Variants in PRDM10 observed in about 807,000 individuals in gnomAD.
PRDM10 encodes PR/SET domain 10.
PRDM10 carries 65 observed loss-of-function variants against 133.1 expected under a neutral mutation model. The observed-to-expected ratio is 0.49, with a 90% CI of 0.40 to 0.60. PRDM10 has a LOEUF of 0.60. Among genes scored for constraint, PRDM10 ranks in the 20% least tolerant of loss-of-function variants. PRDM10 has a pLI of 0.00. For missense variants in PRDM10, 1,137 were observed against 1,507.1 expected (o/e 0.75, Z 4.07); for synonymous variants, 582 against 580.4 (o/e 1.00, Z -0.04).
chr11:129,935,820 C>A (rs775676018), intron 8 of PRDM10, among the ~76,000 whole-genome samples: 7 of 152,244 alleles, frequency 4.6e-5, no homozygotes, highest in Admixed American at 1.3e-4. Flanking sequence ...AATAAGGAAT[C>A]TTCCTGGTCT....
At chr11:129,960,735 A>G (rs764812729) in intron 2 of PRDM10, among the ~76,000 whole-genome samples, 161 bp downstream of exon 2, 1 of 152,162 alleles carries the variant, frequency 6.6e-6, no homozygotes, top group Non-Finnish European at 1.5e-5. Context: ...TCGATGGAGC[A>G]TTCAAGGGGC....
intron 1 of PRDM10, among the ~76,000 whole-genome samples, chr11:129,982,290 G>A (rs115347586): frequency 0.022 from 3,358 of 151,792 alleles, 94 homozygotes; most frequent in African/African-American, 0.069. Context: ...GTGTGCGCGC[G>A]TGTGTGTGTA....
In PRDM10 at chr11:129,914,974, G is replaced by A; in HGVS notation, c.2571C>T (p.Ala857=). The change falls in exon 17 of 21, where the codon GCC becomes GCT. Residue 857 remains alanine (A), a synonymous_variant. Coordinates refer to ENST00000360871, the MANE Select transcript of PRDM10 (RefSeq NM_199437.2). The part of the protein sequence containing the change: ...QHIRKKHPEF[A]QLSNTIHTPL... ...GTGTGTGTATGGTGTTGGAGAGCTG[G>A]GCGAACTCTGGATGCTTCTTTCGAA... The A allele has an allele frequency of 1.2e-6, 2 of 1,608,960 alleles. No individual in the cohort carries two copies. The highest frequency in any genetic ancestry group is 2.2e-5 in the East Asian group (1 of 44,726).
chr11:129,913,034 C>A (rs1176363376), intron 17 of PRDM10, among the ~76,000 whole-genome samples: 1 of 146,376 alleles, frequency 6.8e-6, no homozygotes, highest in South Asian at 2.2e-4. Context: ...GACTCTAGCC[C>A]GGGCAACAGA....
chr11:129,934,575 C>T (rs1377086847), intron 9 of PRDM10, among the ~76,000 whole-genome samples: 1 of 152,124 alleles, frequency 6.6e-6, no homozygotes, highest in East Asian at 1.9e-4. Context: ...CAATCAACAT[C>T]ACAATACTCC....
At chr11:129,949,909 G>A (rs1015857209) in intron 4 of PRDM10, among the ~76,000 whole-genome samples, 1 of 151,198 alleles carries the variant, frequency 6.6e-6, no homozygotes, top group Non-Finnish European at 1.5e-5. Context: ...ACTCCAGCCT[G>A]GGTGACAAGA....
Position 129,915,792 on chromosome 11 carries a change from C to T in PRDM10, c.2394G>A (p.Pro798=), listed in dbSNP as rs752894127. 2.8e-5 allele frequency: 45 copies of T among 1,614,004 alleles called. No individual in the cohort carries two copies. Among genetic ancestry groups the T allele is most frequent in the Admixed American group, 3.3e-5 (2 of 59,998 alleles). Reference sequence around the variant, plus strand: ...CAGCGGGTCGGAGCTTCCGAATGCTCGGTGGGAGCTCTGCTCCTGGGTGGT... The same window carrying T: ...CAGCGGGTCGGAGCTTCCGAATGCTTGGTGGGAGCTCTGCTCCTGGGTGGT... ...LKNHPGAELP[P]SIRKLRPAGP... is the part of the protein sequence containing the mutation. Residue 798 remains proline, a synonymous_variant, in exon 16 of 21, where the codon CCG becomes CCA. Transcript: ENST00000360871.
At chr11:129,956,366 G>A (rs749116595) in intron 3 of PRDM10, among the ~76,000 whole-genome samples, 3 of 152,116 alleles carry the variant, frequency 2.0e-5, no homozygotes, top group Non-Finnish European at 4.4e-5. Context: ...TCAGGAGATC[G>A]AGACCTGGCC....
At chr11:129,903,158 C>T (rs960645268) in intron 20 of PRDM10, among the ~76,000 whole-genome samples, 2 of 151,706 alleles carry the variant, frequency 1.3e-5, no homozygotes, top group African/African-American at 2.4e-5. Context: ...ATTAGCCGGG[C>T]GTGGTGGTAC....
chr11:129,993,837 A>T (rs1938890848), intron 1 of PRDM10, among the ~76,000 whole-genome samples: 1 of 152,038 alleles, frequency 6.6e-6, no homozygotes, highest in African/African-American at 2.4e-5. Context: ...AGGTTTTCCT[A>T]ACTTTTCTTT....
At chr11:129,959,481 C>T (rs1226634762) in intron 2 of PRDM10, among the ~76,000 whole-genome samples, 3 of 152,110 alleles carry the variant, frequency 2.0e-5, no homozygotes, top group Non-Finnish European at 4.4e-5. Context: ...TTCATTAAAT[C>T]AGAATTCCCA....
intron 1 of PRDM10, among the ~76,000 whole-genome samples, chr11:130,001,182 C>T (rs1939348911): frequency 6.6e-6 from 1 of 151,134 alleles, no homozygotes; most frequent in Admixed American, 6.7e-5. Flanking sequence ...TGCCCCCAAC[C>T]AATCCTAATT....
intron 1 of PRDM10, among the ~76,000 whole-genome samples, chr11:129,979,467 G>C (rs1197586288): frequency 1.3e-5 from 2 of 152,174 alleles, no homozygotes; most frequent in Non-Finnish European, 2.9e-5. Context: ...CTTTCTGACT[G>C]TAAGACTCAG....
At chr11:129,915,080 A>G (rs1950314836) in intron 16 of PRDM10, 62 bp from the exon 17 acceptor site, 2 of 1,492,740 alleles carry the variant, frequency 1.3e-6, no homozygotes, top group Admixed American at 4.3e-5. Flanking sequence ...CGTTTTTCTC[A>G]TATGTAAATC....
intron 19 of PRDM10, 38 bp downstream of exon 19, chr11:129,910,438 C>T: frequency 6.2e-7 from 1 of 1,611,768 alleles, no homozygotes; most frequent in Non-Finnish European, 8.5e-7. Context: ...GGAGATCCCC[C>T]ACCCCTGACC....
Position 129,923,394 on chromosome 11 carries a change from GT to G in PRDM10, c.1887del (p.Lys629AsnfsTer101). On this transcript the variant is annotated frameshift_variant, in exon 13 of 21. Transcript: ENST00000360871. LOFTEE classifies it high-confidence loss of function. This position sits in a 1 kb window ranked among gnomAD's most constrained non-coding sequence, Gnocchi z 4.4. ...TTTTCTGAGTGGAAGCTGCGCACGT[GT>G]TTTTTCACCTGGTGATAAGAACCAC... ...KRFPDFIQVKKHVRSFHSEKI... is the reference protein window; with the variant it reads ...KRFPDFIQVKXHVRSFHSEKI... The G allele has an allele frequency of 6.2e-7, 1 of 1,605,470 alleles. No individual in the cohort carries two copies. Among genetic ancestry groups the G allele is most frequent in the Non-Finnish European group, 8.5e-7 (1 of 1,176,250 alleles).
intron 7 of PRDM10, among the ~76,000 whole-genome samples, chr11:129,939,888 C>T (rs1261014998): frequency 6.6e-6 from 1 of 152,168 alleles, no homozygotes; most frequent in Non-Finnish European, 1.5e-5. Flanking sequence ...AATGGGAAAG[C>T]ACAGTATCAA....
intron 1 of PRDM10, among the ~76,000 whole-genome samples, chr11:129,987,570 C>T (rs569418717): frequency 6.6e-6 from 1 of 152,222 alleles, no homozygotes; most frequent in South Asian, 2.1e-4. Context: ...GCATATGTCC[C>T]TAAAAGACTT....
chr11:129,928,474 C>T (rs1159706594), intron 11 of PRDM10, among the ~76,000 whole-genome samples: 1 of 152,168 alleles, frequency 6.6e-6, no homozygotes, highest in Non-Finnish European at 1.5e-5. Flanking sequence ...ACTGCAGCCT[C>T]GACTTCCCAG....
Sources: allele counts gnomAD v4.1 joint callset (sites outside exome capture counted in the v4.1 genomes callset), GRCh38; gene constraint gnomAD v4.1.1; non-coding constraint Gnocchi (gnomAD v3.1); transcripts MANE v1.5; gene names NCBI Gene and HGNC (gene_info 2026-07-23, HGNC 2026-07-21).